RBPJ: variants seen among roughly 807,000 people sequenced by gnomAD.
RBPJ encodes recombining binding protein suppressor of hairless.
Under a neutral mutation model 67.8 loss-of-function variants are expected in RBPJ, and 9 were observed. The observed-to-expected ratio is 0.13, with a 90% CI of 0.08 to 0.23. RBPJ has a LOEUF of 0.23. Among genes scored for constraint, RBPJ ranks in the 10% least tolerant of loss-of-function variants. The pLI is 1.00. For synonymous variants in RBPJ, 198 were observed against 203.3 expected, an observed-to-expected ratio of 0.97 and a Z score of 0.22; for missense variants, 305 against 595.6, an observed-to-expected ratio of 0.51 and a Z score of 5.08.
chr4:26,289,288 T>C lies in RBPJ; in HGVS notation c.-166-73158T>C, dbSNP rs182880534. Among the ~76,000 whole-genome samples, 864 of 147,078 alleles carry C rather than the reference T, an allele frequency of 5.9e-3. 33 individuals are homozygous for C. The highest frequency in any genetic ancestry group is 0.02 in the African/African-American group (813 of 39,684). On this transcript the variant is annotated intron_variant, in intron 1 of 4. Coordinates refer to the RBPJ transcript ENST00000512351. ...GGCAGGTGCCTGTGATCCCAGCTAC[T>C]TGGGAGGCTGAGGTGGGAGAACCAC...
intron 1 of RBPJ, among the ~76,000 whole-genome samples, chr4:26,272,195 A>C (rs1720937860): frequency 6.6e-6 from 1 of 152,250 alleles, no homozygotes; most frequent in South Asian, 2.1e-4. Context: ...AGATATATGC[A>C]GGAAAGAAAA....
At chr4:26,372,555 C>T (rs147006626) in intron 1 of RBPJ, among the ~76,000 whole-genome samples, 162 of 152,282 alleles carry the variant, frequency 1.1e-3, no homozygotes, top group Middle Eastern at 3.4e-3. Flanking sequence ...AAATACATAA[C>T]ATGAATGACT....
chr4:26,350,547 T>G (rs1011348994), intron 1 of RBPJ, among the ~76,000 whole-genome samples: 1 of 152,308 alleles, frequency 6.6e-6, no homozygotes, highest in East Asian at 1.9e-4. Flanking sequence ...AATTGAAAAT[T>G]ATGACTTTAA....
At chr4:26,244,186 T>TATATGTAAACACATATGTGTAC in intron 1 of RBPJ, among the ~76,000 whole-genome samples, 1 of 124,616 alleles carries the variant, frequency 8.0e-6, no homozygotes, top group East Asian at 2.2e-4. Context: ...CATATATGTA[T>TATATGTAAACACATATGTGTAC]ACATATATGT....
intron 1 of RBPJ, among the ~76,000 whole-genome samples, chr4:26,290,744 G>A (rs1340049554): frequency 6.6e-6 from 1 of 150,684 alleles, no homozygotes; most frequent in Non-Finnish European, 1.5e-5. Context: ...CTCTCCAGTT[G>A]GCTGAAAATT....
chr4:26,241,053 C>T (rs1254147960), intron 1 of RBPJ, among the ~76,000 whole-genome samples: 1 of 152,044 alleles, frequency 6.6e-6, no homozygotes, highest in Non-Finnish European at 1.5e-5. Flanking sequence ...AAAAATTAGC[C>T]AGGCATGGTG....
chr4:26,131,218 C>T, the RBPJ span, among the ~76,000 whole-genome samples: 2 of 152,146 alleles, frequency 1.3e-5, no homozygotes, highest in East Asian at 3.9e-4. Context: ...GCACAGGCGG[C>T]GGAAGCTGTG....
intron 1 of RBPJ, among the ~76,000 whole-genome samples, chr4:26,225,625 T>C (rs1159869246): frequency 2.0e-5 from 3 of 152,102 alleles, no homozygotes; most frequent in Non-Finnish European, 4.4e-5. Context: ...AATGCGTCAA[T>C]ATGGGCTCAT....
intron 1 of RBPJ, among the ~76,000 whole-genome samples, chr4:26,330,296 C>A (rs1405112345): frequency 6.6e-6 from 1 of 152,164 alleles, no homozygotes; most frequent in Non-Finnish European, 1.5e-5. Flanking sequence ...TTACCTTGCA[C>A]AATTGTGGAG....
At chr4:26,351,958 G>C (rs983260141) in intron 1 of RBPJ, among the ~76,000 whole-genome samples, 3 of 152,118 alleles carry the variant, frequency 2.0e-5, no homozygotes, top group African/African-American at 4.8e-5. Context: ...GTCGGGGGGA[G>C]GTGTGTGGTT....
chr4:26,116,488 T>A, the RBPJ span, among the ~76,000 whole-genome samples: 2 of 152,234 alleles, frequency 1.3e-5, no homozygotes, highest in Non-Finnish European at 2.9e-5. Context: ...ACTTTCTCCA[T>A]CTTCAAAGTC....
At chr4:26,397,912 C>G (rs1377639940) in intron 2 of RBPJ, among the ~76,000 whole-genome samples, 1 of 152,186 alleles carries the variant, frequency 6.6e-6, no homozygotes, top group African/African-American at 2.4e-5. Flanking sequence ...GGATTACAGG[C>G]GTGAGCCACC....
At chr4:26,346,098 T>C (rs960583127) in intron 1 of RBPJ, among the ~76,000 whole-genome samples, 1 of 152,144 alleles carries the variant, frequency 6.6e-6, no homozygotes, top group African/African-American at 2.4e-5. Flanking sequence ...AGTCAAGTAT[T>C]AGTGAAGTGG....
At chr4:26,351,968 T>C (rs1383910177) in intron 1 of RBPJ, among the ~76,000 whole-genome samples, 1 of 152,148 alleles carries the variant, frequency 6.6e-6, no homozygotes, top group Non-Finnish European at 1.5e-5. Flanking sequence ...GGTGTGTGGT[T>C]ATGGTGGGGA....
At chr4:26,258,783 AT>A (rs1172726438) in intron 1 of RBPJ, among the ~76,000 whole-genome samples, 2 of 115,534 alleles carry the variant, frequency 1.7e-5, no homozygotes, top group African/African-American at 3.0e-5. Context: ...CCCTTTAAAC[AT>A]TTTTTTATTA....
rs112619259 is a variant in RBPJ at position 26,301,942 on chromosome 4, G to C, written c.-166-60504G>C. Among the ~76,000 whole-genome samples the C allele has an allele frequency of 7.4e-3, 1,122 of 152,036 alleles. 12 individuals carry two copies. Among genetic ancestry groups the C allele is most frequent in the African/African-American group, 0.025 (1,053 of 41,442 alleles). The stretch of plus-strand genomic sequence containing the variant: ...CGAGTAGCTGGGATTATAGGTGTGC[G>C]CCACCAGGCCCAGCTATTTTTTTGT... On this transcript the variant is annotated intron_variant, in intron 1 of 4. Coordinates refer to the RBPJ transcript ENST00000512351.
chr4:26,135,038 G>A, the RBPJ span, among the ~76,000 whole-genome samples: 3 of 152,074 alleles, frequency 2.0e-5, no homozygotes. Flanking sequence ...CCCCAGGGTA[G>A]GCCTTGGTCT....
intron 1 of RBPJ, among the ~76,000 whole-genome samples, chr4:26,377,425 C>T (rs1418656816): frequency 6.6e-6 from 1 of 152,166 alleles, no homozygotes; most frequent in East Asian, 1.9e-4. Context: ...TTTCCCTCTC[C>T]CAAAGATTTA....
chr4:26,149,690 T>A, the RBPJ span, among the ~76,000 whole-genome samples: 1 of 152,220 alleles, frequency 6.6e-6, no homozygotes, highest in African/African-American at 2.4e-5. Context: ...GAAGGCCCTC[T>A]CCAGGTGCCA....
Sources: allele counts gnomAD v4.1 joint callset (sites outside exome capture counted in the v4.1 genomes callset), GRCh38; gene constraint gnomAD v4.1.1; transcripts MANE v1.5; gene names NCBI Gene and HGNC (gene_info 2026-07-23, HGNC 2026-07-21).